The following VPS37B variants were observed in gnomAD, a reference collection of about 807,000 sequenced individuals.
VPS37B encodes vacuolar protein sorting-associated protein 37B.
A neutral mutation model predicts 21.2 loss-of-function variants in VPS37B; 11 were observed. That is an observed-to-expected ratio of 0.52 (90% CI 0.33 to 0.86). The LOEUF (loss-of-function observed/expected upper bound fraction) is 0.86, where lower values mean the gene tolerates loss of function less well. Among genes scored for constraint, VPS37B ranks in the 40% least tolerant of loss-of-function variants. The pLI is 0.03. For synonymous variants in VPS37B, 175 were observed against 159.6 expected, an observed-to-expected ratio of 1.10 and a Z score of -0.73; for missense variants, 389 against 374.8, an observed-to-expected ratio of 1.04 and a Z score of -0.31.
Position 122,894,404 on chromosome 12 carries a change from C to G in VPS37B, c.111+1548G>C, listed in dbSNP as rs190016346. 2.4e-3 allele frequency among the ~76,000 whole-genome samples: 366 copies of G among 152,366 alleles called. 2 individuals carry two copies. The highest frequency in any genetic ancestry group is 3.7e-3 in the Non-Finnish European group (251 of 68,040). ...ATACCATCTTACTACAGTGGCCTCT[C>G]TGTAGCTCCGGACAATGATCTGTTG... On this transcript the variant is annotated intron_variant, in intron 1 of 3. Transcript: ENST00000267202.
In VPS37B at chr12:122,865,388, G is replaced by C. The variant is rs767984052; in HGVS notation, c.*1728C>G. ...CTACAGCTTTACAGCCACAGCACCG[G>C]ACACGGCCCTGGACAGCGACGGCGA... On this transcript the variant is annotated 3_prime_UTR_variant, in exon 4 of 4. Coordinates refer to ENST00000267202, the MANE Select transcript of VPS37B (RefSeq NM_024667.3). 1.3e-5 allele frequency: 2 copies of C among 152,240 alleles called. No individual in the cohort carries two copies. The highest frequency in any genetic ancestry group is 2.4e-5 in the African/African-American group (1 of 41,458). The allele number at this position is 152,240 out of a possible 1,614,324, so 9.4% of individuals were successfully genotyped here. A position where few individuals can be genotyped will look rare whatever the true frequency, so the allele number is the denominator to read the frequency against.
In VPS37B at chr12:122,865,451, C is replaced by T. The variant is rs2033878603; in HGVS notation, c.*1665G>A. Reference sequence around the variant, plus strand: ...GCCGCTTTGCAACTTCAATGCCAAGCTCACGTCTGGCTGCGACCGTGGCAG... The same window carrying T: ...GCCGCTTTGCAACTTCAATGCCAAGTTCACGTCTGGCTGCGACCGTGGCAG... On this transcript the variant is annotated 3_prime_UTR_variant, in exon 4 of 4. Coordinates refer to ENST00000267202, the MANE Select transcript of VPS37B (RefSeq NM_024667.3). 6.6e-6 allele frequency: 1 copy of T among 152,288 alleles called. No individual in the cohort carries two copies. The highest frequency in any genetic ancestry group is 2.4e-5 in the African/African-American group (1 of 41,474). 9.4% of individuals were successfully genotyped at this position (152,288 alleles called of 1,614,324 possible). A position where few individuals can be genotyped will look rare whatever the true frequency, so the allele number is the denominator to read the frequency against.
chr12:122,885,809 G>C (rs952888259), intron 1 of VPS37B: 1 of 148,226 alleles, frequency 6.7e-6, no homozygotes, highest in Admixed American at 6.7e-5. Flanking sequence ...TCAGCCTCCC[G>C]AGTAGCTGGG....
intron 1 of VPS37B, chr12:122,875,423 T>C (rs2034130600): frequency 6.6e-6 from 1 of 151,934 alleles, no homozygotes; most frequent in Non-Finnish European, 1.5e-5. Context: ...CACAGCATCC[T>C]GCAGGATAAT....
In VPS37B at chr12:122,867,625, C is replaced by T; in HGVS notation, c.367-18G>A. On this transcript the variant is annotated intron_variant, in intron 3 of 3. Transcript: ENST00000267202. This position sits in a 1 kb window ranked among gnomAD's most constrained non-coding sequence, Gnocchi z 5.5. ...GCCATGTTCTGAAAGAGGCAGAAAC[C>T]TGGTTACAGGGACAGCCAGATGGGG... 1 of 1,610,596 alleles carries T rather than the reference C, an allele frequency of 6.2e-7. No individual in the cohort carries two copies. Among genetic ancestry groups the T allele is most frequent in the Non-Finnish European group, 8.5e-7 (1 of 1,179,954 alleles).
In VPS37B at chr12:122,867,280, C is replaced by A; in HGVS notation, c.694G>T (p.Ala232Ser). The A allele has an allele frequency of 6.4e-7, 1 of 1,573,776 alleles. No homozygotes were observed. The highest frequency in any genetic ancestry group is 8.6e-7 in the Non-Finnish European group (1 of 1,162,106). ...CACTGTAATCCTGGGTACGGCACGG[C>A]CTGTCCCGAACTCATGGCCGCAGTA... ...PFTAAMSSGQ[A>S]VPYPGLQCPP... The change falls in exon 4 of 4, where the codon GCC (alanine) becomes TCC (serine). Residue 232 changes from alanine to serine, a missense_variant. Ala to Ser is a moderately conservative substitution (Grantham distance 99). Transcript: ENST00000267202. The surrounding 1 kb of genome is among the most constrained non-coding windows in gnomAD (Gnocchi z 5.5).
chr12:122,892,165 TG>T (rs1415239946), intron 1 of VPS37B, among the ~76,000 whole-genome samples: 1 of 152,086 alleles, frequency 6.6e-6, no homozygotes, highest in Non-Finnish European at 1.5e-5. Flanking sequence ...TACATGCATA[TG>T]AAACATTAGC....
At position 122,868,935 on chromosome 12, in the gene VPS37B, C is replaced by T. The variant is rs995779893; in HGVS notation, c.284-373G>A. The stretch of plus-strand genomic sequence containing the variant: ...CACCCCCCAGATCCAGACACAGAAC[C>T]TTTCCACCGGGCGCCCTCACGCCCA... On this transcript the variant is annotated intron_variant, in intron 2 of 3. Transcript: ENST00000267202. This position sits in a 1 kb window ranked among gnomAD's most constrained non-coding sequence, Gnocchi z 5.5. 6.6e-6 allele frequency among the ~76,000 whole-genome samples: 1 copy of T among 152,144 alleles called. No homozygotes were observed. Among genetic ancestry groups the T allele is most frequent in the Non-Finnish European group, 1.5e-5 (1 of 68,026 alleles).
Position 122,867,737 on chromosome 12 carries a change from G to GC in VPS37B, c.367-131dup. On this transcript the variant is annotated intron_variant, in intron 3 of 3. Transcript: ENST00000267202. This position sits in a 1 kb window ranked among gnomAD's most constrained non-coding sequence, Gnocchi z 5.5. ...CCCCCTCCCTGTAACCACCCAGAGGGCCTCGCTCCTGCTCCAGATCCCAGA... is the reference window on the plus strand; with the variant it reads ...CCCCCTCCCTGTAACCACCCAGAGGGCCCTCGCTCCTGCTCCAGATCCCAGA... 8.2e-7 allele frequency: 1 copy of GC among 1,225,122 alleles called. No homozygotes were observed. Among genetic ancestry groups the GC allele is most frequent in the Non-Finnish European group, 1.2e-6 (1 of 868,928 alleles). 75.9% of individuals were successfully genotyped at this position (1,225,122 alleles called of 1,614,324 possible).
In VPS37B at chr12:122,872,707, C is replaced by A. The variant is rs909377267; in HGVS notation, c.112-1646G>T. ...AAACAAAAACCACTGTATGGCCACT[C>A]TGGAAAACAGGCACTTTTTAATAAA... On this transcript the variant is annotated intron_variant, in intron 1 of 3. Transcript: ENST00000267202. 6 of 985,030 alleles carry A rather than the reference C, an allele frequency of 6.1e-6. No individual in the cohort carries two copies. The African/African-American group carries it at 1.0e-4, about 17-fold the overall frequency. The allele number at this position is 985,030 out of a possible 1,614,324, so 61.0% of individuals were successfully genotyped here.
At position 122,867,692 on chromosome 12, in the gene VPS37B, C is replaced by T. The variant is rs933209858; in HGVS notation, c.367-85G>A. On this transcript the variant is annotated intron_variant, in intron 3 of 3. Transcript: ENST00000267202. The surrounding 1 kb of genome is among the most constrained non-coding windows in gnomAD (Gnocchi z 5.5). ...GGTCTAGGCACAAGGAGAGGCAACG[C>T]CCAGCTGCTTCCAACACTGCCCCCT... is the stretch of plus-strand genomic sequence containing the variant. The T allele has an allele frequency of 2.5e-6, 4 of 1,573,570 alleles. No individual in the cohort carries two copies. Among genetic ancestry groups the T allele is most frequent in the Non-Finnish European group, 2.6e-6 (3 of 1,160,824 alleles).
At chr12:122,870,823 G>A (rs2034011749) in intron 2 of VPS37B, 67 bp downstream of exon 2, 3 of 1,525,482 alleles carry the variant, frequency 2.0e-6, no homozygotes, top group Admixed American at 2.0e-5. Context: ...TCCTGGTAGG[G>A]CAATAGCTTG....
chr12:122,877,273 G>A (rs542283938), intron 1 of VPS37B: 59 of 152,196 alleles, frequency 3.9e-4, no homozygotes, highest in African/African-American at 1.4e-3. Flanking sequence ...TTGGAATTTG[G>A]GCTGCGTTAG....
rs750294028 is a variant in VPS37B at position 122,870,966 on chromosome 12, C to T, written c.207G>A (p.Leu69=). 5 of 1,614,192 alleles carry T rather than the reference C, an allele frequency of 3.1e-6. No individual in the cohort carries two copies. In the South Asian group the frequency reaches 3.3e-5, roughly 11 times the overall value. Residue 69 remains leucine, a synonymous_variant, in exon 2 of 4, where the codon TTG becomes TTA. Coordinates refer to ENST00000267202, the MANE Select transcript of VPS37B (RefSeq NM_024667.3). ...GGTATTTCTGGGTCAAGCGTGCTTT[C>T]AACGTGTCCAGCTGGGGCTGGTACA... ...NLLYQPQLDT[L]KARLTQKYQE...
At chr12:122,895,458 C>T (rs1297336334) in intron 1 of VPS37B, among the ~76,000 whole-genome samples, 2 of 150,888 alleles carry the variant, frequency 1.3e-5, no homozygotes, top group African/African-American at 2.4e-5. Flanking sequence ...CCCTAATCCT[C>T]GCCTCCGACT....
At position 122,896,039 on chromosome 12, in the gene VPS37B, G is replaced by T. The variant is rs1028940906; in HGVS notation, c.24C>A (p.Ala8=). The change falls in exon 1 of 4, where the codon GCC becomes GCA. Residue 8 remains alanine (A), a synonymous_variant. Coordinates refer to ENST00000267202, the MANE Select transcript of VPS37B (RefSeq NM_024667.3). ...GCACCAGCGACAGCCCGGCGAACCG[G>T]GCTTCGCTCCCGGCGCCCGCCATCC... MAGAGSE[A]RFAGLSLVQL... 1 of 1,586,290 alleles carries T rather than the reference G, an allele frequency of 6.3e-7. No individual in the cohort carries two copies. Among genetic ancestry groups the T allele is most frequent in the Non-Finnish European group, 8.5e-7 (1 of 1,170,874 alleles).
At position 122,885,210 on chromosome 12, in the gene VPS37B, G is replaced by A. The variant is rs548303820; in HGVS notation, c.111+10742C>T. On this transcript the variant is annotated intron_variant, in intron 1 of 3. Coordinates refer to ENST00000267202, the MANE Select transcript of VPS37B (RefSeq NM_024667.3). ...ACTATATAATCATATTTCATGTAGG[G>A]GATCAGATATTTTACCTAAAAACTG... 2.6e-5 allele frequency: 4 copies of A among 151,382 alleles called. No individual in the cohort carries two copies. In the South Asian group the frequency reaches 8.4e-4, roughly 32 times the overall value. The allele number at this position is 151,382 out of a possible 1,614,324, so 9.4% of individuals were successfully genotyped here.
chr12:122,887,026 T>C (rs984517337), intron 1 of VPS37B: 14 of 152,212 alleles, frequency 9.2e-5, no homozygotes, highest in African/African-American at 3.1e-4. Flanking sequence ...TTGGTTCTTC[T>C]AGTTTTTCCC....
chr12:122,884,674 A>AC (rs2034296803), intron 1 of VPS37B: 1 of 152,182 alleles, frequency 6.6e-6, no homozygotes, highest in African/African-American at 2.4e-5. Context: ...TCAAAAAAAA[A>AC]ACCAGCTTAC....
Sources: gnomAD v4.1 joint callset for allele counts (sites outside exome capture counted in the v4.1 genomes callset) on GRCh38, gnomAD v4.1.1 for gene constraint, Gnocchi (gnomAD v3.1) non-coding constraint, MANE v1.5 for transcripts, NCBI Gene and HGNC (gene_info 2026-07-23, HGNC 2026-07-21) for gene names.